Variants in LRBA observed in about 807,000 individuals in gnomAD.
LRBA encodes lipopolysaccharide-responsive and beige-like anchor protein.
LRBA carries 176 observed loss-of-function variants against 330.0 expected under a neutral mutation model. The ratio of observed to expected loss-of-function variants is 0.53; its 90% CI spans 0.47 to 0.60. LRBA has a LOEUF of 0.60. Among genes scored for constraint, LRBA ranks in the 20% least tolerant of loss-of-function variants. LRBA has a pLI of 0.00. For missense variants in LRBA, 3,259 were observed against 3,444.8 expected (o/e 0.95, Z 1.35); for synonymous variants, 1,230 against 1,193.0 (o/e 1.03, Z -0.64).
At chr4:150,916,250 G>T in intron 7 of LRBA, 151 bp downstream of exon 7, 1 of 694,150 alleles carries the variant, frequency 1.4e-6, no homozygotes, top group Non-Finnish European at 2.3e-6. Context: ...AATCAGAGAG[G>T]TCAATTATTC....
At chr4:150,825,205 A>T (rs1403906456) in intron 30 of LRBA, among the ~76,000 whole-genome samples, 1 of 152,254 alleles carries the variant, frequency 6.6e-6, no homozygotes, top group African/African-American at 2.4e-5. Flanking sequence ...TGTAAATTTC[A>T]ATTATTAAAG....
chr4:150,328,574 C>G (rs1733594665), intron 48 of LRBA, among the ~76,000 whole-genome samples: 2 of 152,072 alleles, frequency 1.3e-5, no homozygotes. Context: ...TGAGACAATT[C>G]TGAGAATTCT....
At chr4:150,311,613 G>T (rs1731081289) in intron 51 of LRBA, among the ~76,000 whole-genome samples, 1 of 152,112 alleles carries the variant, frequency 6.6e-6, no homozygotes, top group Admixed American at 6.6e-5. Flanking sequence ...ACACATACAT[G>T]TGCAACACTG....
chr4:150,870,296 T>C (rs1753270238), intron 20 of LRBA, among the ~76,000 whole-genome samples: 1 of 152,194 alleles, frequency 6.6e-6, no homozygotes, highest in Admixed American at 6.5e-5. Context: ...CATCAAGACC[T>C]TAAGCAAACA....
chr4:151,004,378 C>T (rs567342428), intron 2 of LRBA, among the ~76,000 whole-genome samples: 7 of 152,262 alleles, frequency 4.6e-5, no homozygotes, highest in Non-Finnish European at 7.3e-5. Flanking sequence ...AATCTGATAA[C>T]GGAGACGGCA....
chr4:150,780,296 G>A (rs1316100901), intron 34 of LRBA, among the ~76,000 whole-genome samples: 1 of 152,046 alleles, frequency 6.6e-6, no homozygotes, highest in Non-Finnish European at 1.5e-5. Flanking sequence ...GCATTCAGTA[G>A]GAGCAAATAA....
At chr4:150,449,425 C>A (rs1274511491) in intron 44 of LRBA, among the ~76,000 whole-genome samples, 1 of 150,820 alleles carries the variant, frequency 6.6e-6, no homozygotes, top group Non-Finnish European at 1.5e-5. Context: ...ATGGGATCTA[C>A]TTAAGAATGA....
chr4:150,832,426 T>A (rs2126829208), intron 28 of LRBA, among the ~76,000 whole-genome samples: 1 of 152,146 alleles, frequency 6.6e-6, no homozygotes, highest in South Asian at 2.1e-4. Context: ...TGAAACCCCA[T>A]CTCTACTAAA....
chr4:150,700,217 GA>G (rs1213976043), intron 36 of LRBA, among the ~76,000 whole-genome samples: 1 of 151,948 alleles, frequency 6.6e-6, no homozygotes, highest in African/African-American at 2.4e-5. Flanking sequence ...ATAGAAAACA[GA>G]AAAGCCACAA....
chr4:150,382,147 T>C (rs1742361281), intron 47 of LRBA, among the ~76,000 whole-genome samples: 1 of 152,200 alleles, frequency 6.6e-6, no homozygotes, highest in African/African-American at 2.4e-5. Context: ...TTTATTTTTG[T>C]TTTTGAGGCT....
In LRBA at chr4:150,467,794, GAA is replaced by G. The variant is rs756217235; in HGVS notation, c.6668-11_6668-10del. 1.6e-6 allele frequency: 2 copies of G among 1,244,074 alleles called. No homozygotes were observed. The highest frequency in any genetic ancestry group is 2.1e-5 in the Admixed American group (1 of 47,928). The allele number at this position is 1,244,074 out of a possible 1,614,324, so 77.1% of individuals were successfully genotyped here. A position where few individuals can be genotyped will look rare whatever the true frequency, so the allele number is the denominator to read the frequency against. On this transcript the variant is annotated splice_polypyrimidine_tract_variant and intron_variant, in intron 43 of 56. Transcript: ENST00000651943. ...GTCATTATAACTCCGTCCTGATAGG[GAA>G]AAAAGTTACTCGTAATTTATAATTT...
chr4:150,942,481 C>T (rs1735784434), intron 2 of LRBA, among the ~76,000 whole-genome samples: 1 of 152,224 alleles, frequency 6.6e-6, no homozygotes, highest in East Asian at 1.9e-4. Flanking sequence ...CCTCTCCAGC[C>T]GACAGTAAAC....
At chr4:150,424,521 C>T (rs1396338981) in intron 46 of LRBA, among the ~76,000 whole-genome samples, 2 of 152,192 alleles carry the variant, frequency 1.3e-5, no homozygotes, top group Admixed American at 1.3e-4. Context: ...TGCAGGTGGC[C>T]TAACACCTAC....
intron 22 of LRBA, among the ~76,000 whole-genome samples, chr4:150,855,001 T>C (rs1404769018): frequency 6.6e-6 from 1 of 152,200 alleles, no homozygotes; most frequent in Non-Finnish European, 1.5e-5. Context: ...CTCACGCCTG[T>C]AATCCCAGCA....
intron 47 of LRBA, among the ~76,000 whole-genome samples, chr4:150,404,779 T>C (rs1051760220): frequency 6.6e-6 from 1 of 152,218 alleles, no homozygotes; most frequent in Non-Finnish European, 1.5e-5. Context: ...TAGAAAATCA[T>C]AGAAGTTACT....
At chr4:150,950,134 C>G (rs1379308901) in intron 2 of LRBA, among the ~76,000 whole-genome samples, 1 of 152,048 alleles carries the variant, frequency 6.6e-6, no homozygotes, top group Non-Finnish European at 1.5e-5. Flanking sequence ...TTGCATTTAT[C>G]TACAGTAAAT....
chr4:150,564,812 A>T (rs1224955467), intron 40 of LRBA, among the ~76,000 whole-genome samples: 2 of 152,236 alleles, frequency 1.3e-5, no homozygotes, highest in Non-Finnish European at 2.9e-5. Flanking sequence ...GAGAAATGCA[A>T]ATCAAAACCA....
chr4:150,630,923 C>G (rs1052993713), intron 37 of LRBA, among the ~76,000 whole-genome samples: 12 of 151,994 alleles, frequency 7.9e-5, no homozygotes, highest in African/African-American at 2.9e-4. Context: ...TATAAAAACT[C>G]TTAAATTTGT....
At chr4:150,683,012 T>C (rs1582031999) in intron 37 of LRBA, among the ~76,000 whole-genome samples, 1 of 152,066 alleles carries the variant, frequency 6.6e-6, no homozygotes, top group East Asian at 1.9e-4. Context: ...AAGGTAGATA[T>C]ATTGAGTAAA....
Sources: allele counts gnomAD v4.1 joint callset (sites outside exome capture counted in the v4.1 genomes callset), GRCh38; gene constraint gnomAD v4.1.1; transcripts MANE v1.5; gene names NCBI Gene and HGNC (gene_info 2026-07-23, HGNC 2026-07-21).